The following ARMC1 variants were observed in gnomAD, a reference collection of about 807,000 sequenced individuals.
The protein encoded by ARMC1 is armadillo repeat-containing protein 1.
A neutral mutation model predicts 31.4 loss-of-function variants in ARMC1; 16 were observed. The observed-to-expected ratio is 0.51, with a 90% confidence interval of 0.34 to 0.77. The LOEUF (loss-of-function observed/expected upper bound fraction) is 0.77, where lower values mean the gene tolerates loss of function less well. Among genes scored for constraint, ARMC1 ranks in the 30% least tolerant of loss-of-function variants. The pLI, the probability that ARMC1 is intolerant of heterozygous loss-of-function variation, is 0.01. For synonymous variants in ARMC1, 114 were observed against 118.9 expected (o/e 0.96, Z 0.27); for missense variants, 259 against 347.5 (o/e 0.75, Z 2.02).
intron 3 of ARMC1, among the ~76,000 whole-genome samples, chr8:65,620,277 AATTATT>A (rs945949972): frequency 2.1e-5 from 3 of 145,746 alleles, no homozygotes; most frequent in Non-Finnish European, 3.0e-5. Context: ...AATTTTAATT[AATTATT>A]ATTATTATTA....
intron 2 of ARMC1, among the ~76,000 whole-genome samples, chr8:65,623,265 G>GCA: frequency 8.7e-6 from 1 of 114,928 alleles, no homozygotes; most frequent in East Asian, 2.6e-4. Flanking sequence ...CCGAGATCGT[G>GCA]CTGCCGCACT....
intron 3 of ARMC1, among the ~76,000 whole-genome samples, chr8:65,617,005 G>A (rs1289941312): frequency 6.6e-6 from 1 of 150,904 alleles, no homozygotes; most frequent in Non-Finnish European, 1.5e-5. Flanking sequence ...GGGAGGCGGG[G>A]GGCAGCCCCC....
chr8:65,633,365 T>C (rs909864476), intron 1 of ARMC1, among the ~76,000 whole-genome samples: 1 of 152,238 alleles, frequency 6.6e-6, no homozygotes, highest in Admixed American at 6.5e-5. Context: ...TCTTAGAGCC[T>C]CAGTTATCTC....
intron 4 of ARMC1, among the ~76,000 whole-genome samples, chr8:65,610,223 G>A (rs1367677754): frequency 6.6e-6 from 1 of 151,936 alleles, no homozygotes; most frequent in Non-Finnish European, 1.5e-5. Flanking sequence ...TCAACCTCCT[G>A]AGTAGCTGGG....
intron 2 of ARMC1, among the ~76,000 whole-genome samples, chr8:65,625,209 T>C (rs1808488632): frequency 6.6e-6 from 1 of 152,210 alleles, no homozygotes; most frequent in South Asian, 2.1e-4. Context: ...CCTCCATGAC[T>C]TTATACTTCC....
In ARMC1 at chr8:65,632,554, A is replaced by C. The variant is rs562692264; in HGVS notation, c.-36+1444T>G. Among the ~76,000 whole-genome samples the C allele has an allele frequency of 2.0e-5, 3 of 152,086 alleles. No individual in the cohort carries two copies. In the East Asian group the frequency reaches 5.8e-4, roughly 29 times the overall value. On this transcript the variant is annotated intron_variant, in intron 1 of 6. Coordinates refer to ENST00000276569, the MANE Select transcript of ARMC1 (RefSeq NM_018120.6). ...CGTGAAACCGGGAGGCGGAACTTGC[A>C]GTGAGCCGAGATTGTGCCACTGCAC...
rs1419764819 is a variant in ARMC1, at chr8:65,613,362, G to A, written c.347C>T (p.Ala116Val). Reference sequence around the variant, plus strand: ...CATCTCATTAAAACTATCACCATCTGCCATATTGGAGGACTGAAGAATGTC... The same window carrying A: ...CATCTCATTAAAACTATCACCATCTACCATATTGGAGGACTGAAGAATGTC... ...IYDILQSSNM[A>V]DGDSFNEMNS... Residue 116 changes from alanine to valine, a missense_variant, in exon 4 of 7, where the codon GCA (alanine) becomes GTA (valine). Ala to Val is a moderately conservative substitution (Grantham distance 64). Transcript: ENST00000276569. 1 of 1,611,716 alleles carries A rather than the reference G, an allele frequency of 6.2e-7. No homozygotes were observed. The highest frequency in any genetic ancestry group is 1.7e-5 in the Admixed American group (1 of 59,580).
chr8:65,633,137 T>C (rs2129044905), intron 1 of ARMC1: 1 of 152,360 alleles, frequency 6.6e-6, no homozygotes, highest in South Asian at 2.1e-4. Context: ...ACACCTGTAA[T>C]TAGGCAGATG....
At chr8:65,620,302 T>A (rs1373904948) in intron 3 of ARMC1, among the ~76,000 whole-genome samples, 2 of 126,672 alleles carry the variant, frequency 1.6e-5, no homozygotes, top group Non-Finnish European at 3.2e-5. Flanking sequence ...TACTTTTTTT[T>A]TTTTTTTTTT....
intron 2 of ARMC1, among the ~76,000 whole-genome samples, chr8:65,627,002 C>CAA (rs139404458): frequency 7.2e-6 from 1 of 137,984 alleles, no homozygotes. Context: ...CTAGATGACT[C>CAA]AAAAAAAAAA....
intron 1 of ARMC1, among the ~76,000 whole-genome samples, 157 bp from the exon 2 acceptor site, chr8:65,627,590 T>C (rs1190712848): frequency 6.6e-6 from 1 of 152,110 alleles, no homozygotes; most frequent in Non-Finnish European, 1.5e-5. Context: ...TTGAGAAAAG[T>C]AAAATGAACG....
intron 1 of ARMC1, among the ~76,000 whole-genome samples, chr8:65,630,599 G>A (rs1484671907): frequency 6.6e-6 from 1 of 152,108 alleles, no homozygotes; most frequent in Non-Finnish European, 1.5e-5. Context: ...CAGCCGGATC[G>A]CCTGAGGTCA....
rs557383084 is a variant in ARMC1 at position 65,602,820 on chromosome 8, C to CTTTTTTTTTTTTTTTTTTTTTTT, written c.*1573_*1574insAAAAAAAAAAAAAAAAAAAAAAA. On this transcript the variant is annotated 3_prime_UTR_variant, in exon 7 of 7. Coordinates refer to ENST00000276569, the MANE Select transcript of ARMC1 (RefSeq NM_018120.6). The stretch of plus-strand genomic sequence containing the variant: ...ATAGGTGCCCTGAAAGTTATTGTTG[C>CTTTTTTTTTTTTTTTTTTTTTTT]TTTTTTTGTTTTTTTTTTTTCAGTT... The CTTTTTTTTTTTTTTTTTTTTTTT allele has an allele frequency of 7.3e-6, 1 of 137,518 alleles. No individual in the cohort carries two copies. The allele number at this position is 137,518 out of a possible 1,614,324, so 8.5% of individuals were successfully genotyped here. A position where few individuals can be genotyped will look rare whatever the true frequency, so the allele number is the denominator to read the frequency against.
At chr8:65,604,830 T>G (rs1386236261) in intron 6 of ARMC1, among the ~76,000 whole-genome samples, 3 of 152,186 alleles carry the variant, frequency 2.0e-5, no homozygotes, top group Non-Finnish European at 4.4e-5. Context: ...GTCTAGCCAC[T>G]GCAGCCACTG....
At chr8:65,618,752 G>C (rs1317603533) in intron 3 of ARMC1, among the ~76,000 whole-genome samples, 2 of 151,758 alleles carry the variant, frequency 1.3e-5, no homozygotes, top group African/African-American at 4.8e-5. Flanking sequence ...CTAATAAAAA[G>C]GTAACTGTCG....
At chr8:65,619,786 T>C (rs1272981057) in intron 3 of ARMC1, among the ~76,000 whole-genome samples, 1 of 151,200 alleles carries the variant, frequency 6.6e-6, no homozygotes, top group African/African-American at 2.4e-5. Flanking sequence ...GAGTTCAAAA[T>C]CAGCCTGGCC....
At chr8:65,616,537 C>A (rs1401175034) in intron 3 of ARMC1, among the ~76,000 whole-genome samples, 1 of 152,054 alleles carries the variant, frequency 6.6e-6, no homozygotes, top group African/African-American at 2.4e-5. Flanking sequence ...GAGATTGCAG[C>A]CTCTGCCCGG....
chr8:65,624,253 C>A (rs1808464175), intron 2 of ARMC1, among the ~76,000 whole-genome samples: 1 of 151,570 alleles, frequency 6.6e-6, no homozygotes, highest in African/African-American at 2.4e-5. Context: ...AATCTCAGTA[C>A]CTTGGGAAGC....
chr8:65,623,438 G>A (rs1217735324), intron 2 of ARMC1, among the ~76,000 whole-genome samples: 2 of 150,132 alleles, frequency 1.3e-5, no homozygotes, highest in African/African-American at 2.5e-5. Context: ...GCAAAACCCC[G>A]TTTCTACTAA....
Sources: allele counts gnomAD v4.1 joint callset (sites outside exome capture counted in the v4.1 genomes callset), GRCh38; gene constraint gnomAD v4.1.1; transcripts MANE v1.5; gene names NCBI Gene and HGNC (gene_info 2026-07-23, HGNC 2026-07-21).